PTPRT: variants seen among roughly 807,000 people sequenced by gnomAD.
PTPRT encodes the protein receptor-type tyrosine-protein phosphatase T.
Under a neutral mutation model 176.8 loss-of-function variants are expected in PTPRT, and 56 were observed. The observed-to-expected ratio is 0.32, with a 90% confidence interval of 0.26 to 0.40. The LOEUF (loss-of-function observed/expected upper bound fraction) is 0.40, where lower values mean the gene tolerates loss of function less well. Ranked by LOEUF, PTPRT falls within the 10% of genes least tolerant of loss-of-function variation. The pLI, the probability that PTPRT is intolerant of heterozygous loss-of-function variation, is 1.00. For synonymous variants in PTPRT, 783 were observed against 739.0 expected (o/e 1.06, Z -0.96); for missense variants, 1,540 against 1,908.2 (o/e 0.81, Z 3.60).
At chr20:42,399,622 A>G (rs1217403079) in intron 9 of PTPRT, among the ~76,000 whole-genome samples, 6 of 152,158 alleles carry the variant, frequency 3.9e-5, no homozygotes, top group Non-Finnish European at 1.5e-5. Context: ...CAGATGCTTA[A>G]CCTGGTTTTG....
intron 14 of PTPRT, among the ~76,000 whole-genome samples, chr20:42,240,686 TCATGCATGCATG>T (rs1298216758): frequency 8.3e-5 from 10 of 121,008 alleles, no homozygotes; most frequent in Admixed American, 8.3e-5. Context: ...ATCCATGCAT[TCATGCATGCATG>T]CATGCATGCA....
chr20:42,123,255 A>C (rs1410451534), intron 19 of PTPRT, among the ~76,000 whole-genome samples: 1 of 152,206 alleles, frequency 6.6e-6, no homozygotes, highest in Non-Finnish European at 1.5e-5. Flanking sequence ...TGAGCAAGAG[A>C]TTCACATTTT....
intron 9 of PTPRT, among the ~76,000 whole-genome samples, chr20:42,445,529 C>T (rs1330063799): frequency 6.6e-6 from 1 of 152,146 alleles, no homozygotes. Flanking sequence ...CACAAGATTA[C>T]ACTCATGTTT....
chr20:42,696,321 C>T (rs1212945837), intron 6 of PTPRT, among the ~76,000 whole-genome samples: 2 of 151,082 alleles, frequency 1.3e-5, no homozygotes, highest in Non-Finnish European at 3.0e-5. Context: ...CCCTCCCTCC[C>T]TCCTTCCCTC....
At chr20:42,956,253 G>A (rs947223976) in intron 1 of PTPRT, among the ~76,000 whole-genome samples, 6 of 152,174 alleles carry the variant, frequency 3.9e-5, no homozygotes, top group African/African-American at 1.4e-4. Context: ...CACTGCCGGA[G>A]GTGGGACCTA....
intron 2 of PTPRT, among the ~76,000 whole-genome samples, chr20:42,865,080 ACT>A (rs2078723606): frequency 6.6e-6 from 1 of 152,008 alleles, no homozygotes; most frequent in Admixed American, 6.5e-5. Flanking sequence ...TGCAGTCAAG[ACT>A]CTCTTCATTC....
intron 1 of PTPRT, among the ~76,000 whole-genome samples, chr20:42,991,941 T>C (rs944619248): frequency 6.6e-6 from 1 of 152,192 alleles, no homozygotes; most frequent in African/African-American, 2.4e-5. Context: ...GTCTTCCAAA[T>C]ACAGCCAATA....
the PTPRT span, among the ~76,000 whole-genome samples, chr20:42,039,540 C>T: frequency 6.6e-6 from 1 of 151,914 alleles, no homozygotes; most frequent in Non-Finnish European, 1.5e-5. Flanking sequence ...TTTCTATGAG[C>T]TCAACTATTT....
chr20:43,084,139 T>G (rs2011540408), intron 1 of PTPRT, among the ~76,000 whole-genome samples: 2 of 152,200 alleles, frequency 1.3e-5, no homozygotes, highest in South Asian at 4.1e-4. Context: ...GTAAAACTGT[T>G]GAGTAATATG....
intron 6 of PTPRT, among the ~76,000 whole-genome samples, chr20:42,679,869 T>C (rs1447968244): frequency 6.6e-6 from 1 of 152,252 alleles, no homozygotes; most frequent in Non-Finnish European, 1.5e-5. Flanking sequence ...TGAACATCTT[T>C]GTGCAAAGAC....
chr20:43,090,300 T>C (rs918624028), intron 1 of PTPRT, among the ~76,000 whole-genome samples: 17 of 151,230 alleles, frequency 1.1e-4, no homozygotes, highest in South Asian at 4.2e-4. Context: ...TGGAGTCTTG[T>C]TCTGTCGCCC....
At chr20:42,734,360 A>G (rs6016883) in intron 6 of PTPRT, among the ~76,000 whole-genome samples, 98,347 of 151,992 alleles carry the variant, frequency 0.65, 32,667 homozygotes, top group East Asian at 0.84. Flanking sequence ...CACCAGCAGG[A>G]ACCCAAGAGA....
At chr20:42,842,683 G>C (rs1344804367) in intron 2 of PTPRT, among the ~76,000 whole-genome samples, 1 of 152,176 alleles carries the variant, frequency 6.6e-6, no homozygotes. Flanking sequence ...GCCTCTAAAA[G>C]TGCTGGTATT....
chr20:43,003,800 G>A (rs1568728361), intron 1 of PTPRT, among the ~76,000 whole-genome samples: 15 of 152,050 alleles, frequency 9.9e-5, no homozygotes. Context: ...TGAGAAGCAT[G>A]GTTTTAGATC....
intron 9 of PTPRT, among the ~76,000 whole-genome samples, chr20:42,442,541 C>G (rs2059325700): frequency 6.6e-6 from 1 of 152,130 alleles, no homozygotes; most frequent in African/African-American, 2.4e-5. Context: ...TCTTCTCATT[C>G]CCTTTAAGCT....
chr20:42,639,041 T>C (rs1404973375), intron 7 of PTPRT, among the ~76,000 whole-genome samples: 2 of 152,076 alleles, frequency 1.3e-5, no homozygotes, highest in African/African-American at 4.8e-5. Context: ...TAAAGAACCT[T>C]CCCATTTGTT....
chr20:42,199,158 T>C (rs953435372), intron 16 of PTPRT, 82 bp downstream of exon 16: 2 of 1,502,128 alleles, frequency 1.3e-6, no homozygotes, highest in Non-Finnish European at 1.8e-6. Context: ...CAGCACCTGA[T>C]CAATGTGTGG....
At chr20:42,598,535 A>C (rs1195307450) in intron 7 of PTPRT, among the ~76,000 whole-genome samples, 3 of 152,222 alleles carry the variant, frequency 2.0e-5, no homozygotes, top group Non-Finnish European at 2.9e-5. Context: ...ACAAAATTTT[A>C]ATAGAGGCTA....
chr20:42,575,788 T>G (rs542522235), intron 7 of PTPRT, among the ~76,000 whole-genome samples: 1 of 152,238 alleles, frequency 6.6e-6, no homozygotes, highest in South Asian at 2.1e-4. Context: ...AAAGATCTCC[T>G]GAACCTGCCC....
Sources: gnomAD v4.1 joint callset for allele counts (sites outside exome capture counted in the v4.1 genomes callset) on GRCh38, gnomAD v4.1.1 for gene constraint, MANE v1.5 for transcripts, NCBI Gene and HGNC (gene_info 2026-07-23, HGNC 2026-07-21) for gene names.